Variants in PLD5 observed in about 807,000 individuals in gnomAD.
PLD5 encodes phospholipase D family member 5.
In PLD5, 36 loss-of-function variants were observed where a neutral mutation model predicts 61.1. The observed-to-expected ratio is 0.59, with a 90% CI of 0.45 to 0.78. PLD5 has a LOEUF of 0.78. PLD5 is among the 30% of genes least tolerant of loss of function. PLD5 has a pLI of 0.00. For missense variants in PLD5, 515 were observed against 644.4 expected (o/e 0.80, Z 2.17); for synonymous variants, 243 against 242.8 (o/e 1.00, Z -0.01).
chr1:242,413,554 A>C (rs1292788478), intron 1 of PLD5, among the ~76,000 whole-genome samples: 1 of 152,198 alleles, frequency 6.6e-6, no homozygotes, highest in South Asian at 2.1e-4. Context: ...TGTCATTCAC[A>C]GAGATTTGTT....
chr1:242,206,963 G>A (rs1392260347), intron 5 of PLD5, among the ~76,000 whole-genome samples: 1 of 152,194 alleles, frequency 6.6e-6, no homozygotes, highest in Non-Finnish European at 1.5e-5. Context: ...GCAGGGCAGA[G>A]CAGGCAGGGT....
intron 1 of PLD5, among the ~76,000 whole-genome samples, chr1:242,458,136 T>G (rs1666999892): frequency 6.6e-6 from 1 of 152,194 alleles, no homozygotes; most frequent in Non-Finnish European, 1.5e-5. Context: ...TTAAAACCTC[T>G]GAGGCAAATC....
chr1:242,348,830 A>G (rs868086501), intron 1 of PLD5, among the ~76,000 whole-genome samples: 34 of 152,256 alleles, frequency 2.2e-4, no homozygotes, highest in Non-Finnish European at 3.7e-4. Context: ...CAAGGCGGGC[A>G]GATCATGAGG....
At chr1:242,262,539 T>C (rs1673433953) in intron 4 of PLD5, among the ~76,000 whole-genome samples, 1 of 152,156 alleles carries the variant, frequency 6.6e-6, no homozygotes, top group Non-Finnish European at 1.5e-5. Flanking sequence ...CTTTGGTAGC[T>C]GTGTGGAAGA....
chr1:242,457,088 G>A (rs370462371), intron 1 of PLD5, among the ~76,000 whole-genome samples: 1 of 152,100 alleles, frequency 6.6e-6, no homozygotes, highest in Non-Finnish European at 1.5e-5. Flanking sequence ...GAGAAGCCAC[G>A]TCTCATGTTA....
chr1:242,159,757 C>T lies in PLD5; in HGVS notation c.736-35092G>A, dbSNP rs114178316. ...CTCTAGTAGTTTACCGTGAAGAAAG[C>T]TCCAGGTAGGATTTCATGCCTTTTC... On this transcript the variant is annotated intron_variant, in intron 5 of 9. Transcript: ENST00000536534. 6.0e-3 allele frequency among the ~76,000 whole-genome samples: 911 copies of T among 152,278 alleles called. 9 individuals are homozygous for T. The highest frequency in any genetic ancestry group is 7.3e-3 in the Non-Finnish European group (496 of 68,016).
intron 5 of PLD5, among the ~76,000 whole-genome samples, chr1:242,128,070 A>G (rs1348127607): frequency 6.6e-6 from 1 of 152,188 alleles, no homozygotes; most frequent in African/African-American, 2.4e-5. Context: ...AGAATATGCT[A>G]TTTAAAGTCA....
intron 5 of PLD5, chr1:242,209,365 C>T (rs931495844): frequency 6.6e-6 from 1 of 152,172 alleles, no homozygotes; most frequent in Non-Finnish European, 1.5e-5. Flanking sequence ...ACCTTGTGTT[C>T]GTGCACTGTG....
At chr1:242,329,851 A>G (rs1318485787) in intron 2 of PLD5, among the ~76,000 whole-genome samples, 1 of 152,140 alleles carries the variant, frequency 6.6e-6, no homozygotes, top group Admixed American at 6.5e-5. Flanking sequence ...AGGTACTCTT[A>G]AACCCATTTA....
At chr1:242,316,625 A>C (rs1658004897) in intron 2 of PLD5, among the ~76,000 whole-genome samples, 1 of 152,176 alleles carries the variant, frequency 6.6e-6, no homozygotes, top group African/African-American at 2.4e-5. Context: ...ACATTTAATA[A>C]TTTTAAGTTC....
At chr1:242,502,425 C>G (rs1230567018) in intron 1 of PLD5, among the ~76,000 whole-genome samples, 1 of 152,114 alleles carries the variant, frequency 6.6e-6, no homozygotes, top group Non-Finnish European at 1.5e-5. Flanking sequence ...CTTGTTTATT[C>G]AGAATAGTAA....
intron 5 of PLD5, among the ~76,000 whole-genome samples, chr1:242,151,996 A>T (rs887368195): frequency 1.3e-5 from 2 of 151,968 alleles, no homozygotes; most frequent in Non-Finnish European, 1.5e-5. Context: ...TGACATTCAC[A>T]CATTCAATAT....
chr1:242,207,696 A>G (rs1669411136), intron 5 of PLD5, among the ~76,000 whole-genome samples: 2 of 145,992 alleles, frequency 1.4e-5, no homozygotes, highest in Admixed American at 1.4e-4. Context: ...TTGTATGGAC[A>G]TGCCACAATT....
At chr1:242,241,265 AG>A (rs1558386570) in intron 4 of PLD5, among the ~76,000 whole-genome samples, 1 of 152,198 alleles carries the variant, frequency 6.6e-6, no homozygotes, top group African/African-American at 2.4e-5. Context: ...AAGATTGTGT[AG>A]GGTAGAAAAC....
chr1:242,357,001 T>G lies in PLD5; in HGVS notation c.190-8759A>C, dbSNP rs1030952554. On this transcript the variant is annotated intron_variant, in intron 1 of 9. Transcript: ENST00000536534. ...CTAGGGTATTCTGAATATTGCTATT[T>G]ATTATGTATACCATTAGGTTTTGTG... Among the ~76,000 whole-genome samples, 19 of 151,996 alleles carry G rather than the reference T, an allele frequency of 1.3e-4. 1 individual carries two copies. The highest frequency in any genetic ancestry group is 3.4e-3 in the Middle Eastern group (1 of 292).
intron 5 of PLD5, among the ~76,000 whole-genome samples, chr1:242,168,830 GT>G (rs1666514377): frequency 8.7e-6 from 1 of 114,352 alleles, no homozygotes; most frequent in African/African-American, 3.7e-5. Context: ...ATCCATGACA[GT>G]TTTTAATTAA....
chr1:242,441,870 C>T (rs543154091), intron 1 of PLD5, among the ~76,000 whole-genome samples: 3 of 152,182 alleles, frequency 2.0e-5, no homozygotes, highest in Non-Finnish European at 4.4e-5. Context: ...AAGGCTATTA[C>T]GTTATTTCTG....
chr1:242,215,720 C>A (rs1670143985), intron 5 of PLD5, among the ~76,000 whole-genome samples: 2 of 152,146 alleles, frequency 1.3e-5, no homozygotes, highest in South Asian at 2.1e-4. Context: ...CCTACAGGAC[C>A]CACAGCCCCA....
chr1:242,162,444 A>C (rs575285375), intron 5 of PLD5, among the ~76,000 whole-genome samples: 1 of 152,332 alleles, frequency 6.6e-6, no homozygotes, highest in South Asian at 2.1e-4. Context: ...GATTATTGTC[A>C]GTCACTCTGT....
Sources: gnomAD v4.1 joint callset for allele counts (sites outside exome capture counted in the v4.1 genomes callset) on GRCh38, gnomAD v4.1.1 for gene constraint, MANE v1.5 for transcripts, NCBI Gene and HGNC (gene_info 2026-07-23, HGNC 2026-07-21) for gene names.